CPSF4: variants seen among roughly 807,000 people sequenced by gnomAD.
CPSF4 encodes the protein cleavage and polyadenylation specific factor 4.
CPSF4 carries 11 observed loss-of-function variants against 37.7 expected under a neutral mutation model. The ratio of observed to expected loss-of-function variants is 0.29; its 90% CI spans 0.18 to 0.48. CPSF4 has a LOEUF of 0.48. Among genes scored for constraint, CPSF4 ranks in the 20% least tolerant of loss-of-function variants. The pLI, the probability that CPSF4 is intolerant of heterozygous loss-of-function variation, is 0.99. For missense variants in CPSF4, 144 were observed against 359.5 expected (o/e 0.40, Z 4.85); for synonymous variants, 132 against 135.9 (o/e 0.97, Z 0.20).
chr7:99,456,157 G>A (rs1798291992), intron 7 of CPSF4, among the ~76,000 whole-genome samples: 1 of 152,238 alleles, frequency 6.6e-6, no homozygotes, highest in South Asian at 2.1e-4. Flanking sequence ...GGGCCTGAAA[G>A]AGCAGGTCGC....
chr7:99,450,160 G>A (rs1158769884), intron 3 of CPSF4, 116 bp from the exon 4 acceptor site: 10 of 735,744 alleles, frequency 1.4e-5, no homozygotes, highest in African/African-American at 5.3e-5. Flanking sequence ...ACTCTTCCCT[G>A]GCTCTCAGGG....
Position 99,453,716 on chromosome 7 carries a change from T to G in CPSF4, c.571-250T>G. 1 of 448,700 alleles carries G rather than the reference T, an allele frequency of 2.2e-6. No individual in the cohort carries two copies. The allele number at this position is 448,700 out of a possible 1,614,324, so 27.8% of individuals were successfully genotyped here. A position where few individuals can be genotyped will look rare whatever the true frequency, so the allele number is the denominator to read the frequency against. ...CCCCACTGCCCCAGAGACCTCCTCTTGTCTCTTTGATGTTTTGTTTTCTAT... is the reference window on the plus strand; with the variant it reads ...CCCCACTGCCCCAGAGACCTCCTCTGGTCTCTTTGATGTTTTGTTTTCTAT... On this transcript the variant is annotated intron_variant, in intron 6 of 7. Coordinates refer to ENST00000292476, the MANE Select transcript of CPSF4 (RefSeq NM_006693.4). The surrounding 1 kb of genome is among the most constrained non-coding windows in gnomAD (Gnocchi z 4.7).
chr7:99,447,841 A>C lies in CPSF4; in HGVS notation c.155-280A>C, dbSNP rs45585932. On this transcript the variant is annotated intron_variant, in intron 2 of 7. Coordinates refer to ENST00000292476, the MANE Select transcript of CPSF4 (RefSeq NM_006693.4). Reference sequence around the variant, plus strand: ...CAGCCAGGATGGTCTCGATCTCCTGACCTTGTGATCCGCCCACCTCGGCCT... The same window carrying C: ...CAGCCAGGATGGTCTCGATCTCCTGCCCTTGTGATCCGCCCACCTCGGCCT... 1,240 of 505,228 alleles carry C rather than the reference A, an allele frequency of 2.5e-3. 16 individuals carry two copies. The highest frequency in any genetic ancestry group is 0.02 in the African/African-American group (1,067 of 52,494). The allele number at this position is 505,228 out of a possible 1,614,324, so 31.3% of individuals were successfully genotyped here. A position where few individuals can be genotyped will look rare whatever the true frequency, so the allele number is the denominator to read the frequency against.
intron 1 of CPSF4, among the ~76,000 whole-genome samples, chr7:99,441,838 C>T (rs903312014): frequency 2.6e-5 from 4 of 152,152 alleles, no homozygotes; most frequent in South Asian, 4.2e-4. Context: ...ATTACAGGCA[C>T]GTGCCACCAT....
At chr7:99,445,663 C>T (rs1390558569) in intron 2 of CPSF4, among the ~76,000 whole-genome samples, 1 of 152,136 alleles carries the variant, frequency 6.6e-6, no homozygotes, top group Non-Finnish European at 1.5e-5. Context: ...GTGGATGGAT[C>T]ACCTGAGGTC....
intron 2 of CPSF4, among the ~76,000 whole-genome samples, chr7:99,447,209 A>G (rs1213045077): frequency 6.6e-6 from 1 of 151,478 alleles, no homozygotes; most frequent in Admixed American, 6.6e-5. Context: ...TTGGCCTTCC[A>G]AAGTGCTAGG....
rs961660851 is a variant in CPSF4 at position 99,439,259 on chromosome 7, C to T, written c.103+74C>T. On this transcript the variant is annotated intron_variant, in intron 1 of 7. Transcript: ENST00000292476. ...CCCGCTCCTCTGTGATCCCGGGACT[C>T]CCTCGCCTCGGTCCTGAGACCTCCC... 9 of 1,159,452 alleles carry T rather than the reference C, an allele frequency of 7.8e-6. No individual in the cohort carries two copies. In the Admixed American group the frequency reaches 9.7e-5, roughly 12 times the overall value. The allele number at this position is 1,159,452 out of a possible 1,614,324, so 71.8% of individuals were successfully genotyped here.
rs1176947516 is a variant in CPSF4 at position 99,457,291 on chromosome 7, C to T, written c.*791C>T. 1 of 152,946 alleles carries T rather than the reference C, an allele frequency of 6.5e-6. No individual in the cohort carries two copies. The highest frequency in any genetic ancestry group is 1.5e-5 in the Non-Finnish European group (1 of 68,296). 9.5% of individuals were successfully genotyped at this position (152,946 alleles called of 1,614,324 possible). On this transcript the variant is annotated 3_prime_UTR_variant, in exon 8 of 8. Transcript: ENST00000292476. Reference sequence around the variant, plus strand: ...AGCCTGGAAAATGTGAAACTGTCTCCTGCAACCTGCTGGGCATGTGGGCCT... The same window carrying T: ...AGCCTGGAAAATGTGAAACTGTCTCTTGCAACCTGCTGGGCATGTGGGCCT...
At chr7:99,444,494 A>C (rs992592131) in intron 1 of CPSF4, among the ~76,000 whole-genome samples, 1 of 152,052 alleles carries the variant, frequency 6.6e-6, no homozygotes, top group Admixed American at 6.6e-5. Flanking sequence ...CTCGTACTCC[A>C]GCCTTCCTTT....
At position 99,450,813 on chromosome 7, in the gene CPSF4, C is replaced by T. The variant is rs1343161694; in HGVS notation, c.497+18C>T. On this transcript the variant is annotated intron_variant, in intron 5 of 7. Transcript: ENST00000292476. ...TTCATGCAGTGAGTAGCCAGCTGCT[C>T]CGCCCTCTACCCCAGCTCCCGGCCC... 4 of 1,576,172 alleles carry T rather than the reference C, an allele frequency of 2.5e-6. No individual in the cohort carries two copies. Among genetic ancestry groups the T allele is most frequent in the Non-Finnish European group, 3.5e-6 (4 of 1,147,188 alleles).
At position 99,439,029 on chromosome 7, in the gene CPSF4, G is replaced by C. The variant is rs1796629118; in HGVS notation, c.-54G>C. On this transcript the variant is annotated 5_prime_UTR_variant, in exon 1 of 8. Coordinates refer to ENST00000292476, the MANE Select transcript of CPSF4 (RefSeq NM_006693.4). ...CGGGGCCGGCGGCGGGTAAAGGCGA[G>C]AAGGCTGCAGGAGACCGAGGGGGAG... 1.4e-5 allele frequency: 22 copies of C among 1,531,034 alleles called. No individual in the cohort carries two copies. Among genetic ancestry groups the C allele is most frequent in the Non-Finnish European group, 1.8e-5 (20 of 1,134,702 alleles). 94.8% of individuals were successfully genotyped at this position (1,531,034 alleles called of 1,614,324 possible). A position where few individuals can be genotyped will look rare whatever the true frequency, so the allele number is the denominator to read the frequency against.
intron 7 of CPSF4, among the ~76,000 whole-genome samples, chr7:99,455,145 C>T (rs968810686): frequency 1.3e-5 from 2 of 152,218 alleles, no homozygotes; most frequent in Non-Finnish European, 1.5e-5. Context: ...TAAGCGGGGC[C>T]ACTTCTGTGC....
chr7:99,453,906 A>C lies in CPSF4; in HGVS notation c.571-60A>C. 2 of 1,526,142 alleles carry C rather than the reference A, an allele frequency of 1.3e-6. No homozygotes were observed. The highest frequency in any genetic ancestry group is 1.2e-5 in the South Asian group (1 of 85,904). The allele number at this position is 1,526,142 out of a possible 1,614,324, so 94.5% of individuals were successfully genotyped here. A position where few individuals can be genotyped will look rare whatever the true frequency, so the allele number is the denominator to read the frequency against. On this transcript the variant is annotated intron_variant, in intron 6 of 7. Transcript: ENST00000292476. The surrounding 1 kb of genome is among the most constrained non-coding windows in gnomAD (Gnocchi z 4.7). ...TCCCGCCCTCTTTTTTCCTGTCCCC[A>C]TCGGTAGTCTGCGTGCACGTGTTTT...
intron 1 of CPSF4, chr7:99,442,958 A>G: frequency 1.3e-6 from 2 of 1,592,704 alleles, no homozygotes; most frequent in Admixed American, 1.7e-5. Context: ...TTCCAGCTGA[A>G]CTTGTGACAA....
intron 4 of CPSF4, 37 bp downstream of exon 4, chr7:99,450,408 C>T: frequency 1.4e-6 from 2 of 1,439,626 alleles, no homozygotes; most frequent in East Asian, 2.3e-5. Context: ...GGGCAAGAAG[C>T]CAGTCCTCCC....
chr7:99,454,454 T>G (rs992854915), intron 7 of CPSF4, among the ~76,000 whole-genome samples: 1 of 152,094 alleles, frequency 6.6e-6, no homozygotes, highest in Non-Finnish European at 1.5e-5. Context: ...GGGTGAGCCC[T>G]TGGAGCCGCT....
intron 2 of CPSF4, among the ~76,000 whole-genome samples, chr7:99,446,771 CTTTTT>C (rs762892785): frequency 4.1e-4 from 12 of 29,124 alleles, no homozygotes; most frequent in African/African-American, 2.3e-3. Context: ...CCATACCCAG[CTTTTT>C]TTTTTTTTTT....
intron 1 of CPSF4, chr7:99,441,452 G>A (rs1346905305): frequency 1.3e-5 from 6 of 456,148 alleles, no homozygotes; most frequent in South Asian, 3.1e-5. Context: ...CTTCAGAGTC[G>A]GTAGGCACCC....
chr7:99,456,157 GAGCAGGTCGCT>G (rs1183957723), intron 7 of CPSF4, among the ~76,000 whole-genome samples: 8 of 152,238 alleles, frequency 5.3e-5, no homozygotes, highest in South Asian at 2.1e-4. Context: ...GGGCCTGAAA[GAGCAGGTCGCT>G]AGCAGGTCGC....
Sources: allele counts gnomAD v4.1 joint callset (sites outside exome capture counted in the v4.1 genomes callset), GRCh38; gene constraint gnomAD v4.1.1; non-coding constraint Gnocchi (gnomAD v3.1); transcripts MANE v1.5; gene names NCBI Gene and HGNC (gene_info 2026-07-23, HGNC 2026-07-21).